PTPRZ1: variants seen among roughly 807,000 people sequenced by gnomAD.
PTPRZ1 encodes receptor-type tyrosine-protein phosphatase zeta.
Under a neutral mutation model 214.1 loss-of-function variants are expected in PTPRZ1, and 82 were observed. That is an observed-to-expected ratio of 0.38 (90% CI 0.32 to 0.46). The LOEUF (loss-of-function observed/expected upper bound fraction) is 0.46, where lower values mean the gene tolerates loss of function less well. PTPRZ1 is among the 20% of genes least tolerant of loss of function. The pLI is 1.00. For missense variants in PTPRZ1, 2,603 were observed against 2,748.7 expected (o/e 0.95, Z 1.19); for synonymous variants, 945 against 987.9 (o/e 0.96, Z 0.81).
At chr7:121,877,286 A>G (rs1159219616) in intron 1 of PTPRZ1, among the ~76,000 whole-genome samples, 4 of 152,290 alleles carry the variant, frequency 2.6e-5, no homozygotes, top group Non-Finnish European at 4.4e-5. Flanking sequence ...TTCCTTCCCA[A>G]TCCAGAGCCT....
At position 122,013,542 on chromosome 7, in the gene PTPRZ1, A is replaced by G; in HGVS notation, c.4496A>G (p.Asp1499Gly). The G allele has an allele frequency of 6.2e-7, 1 of 1,614,182 alleles. No homozygotes were observed. The highest frequency in any genetic ancestry group is 8.5e-7 in the Non-Finnish European group (1 of 1,180,016). ...SVSSDSQTGM[D>G]RSPGKSPSAN... ...TCCTCAGACAGTCAAACTGGTATGG[A>G]CAGAAGTCCTGGTAAATCACCATCA... The change falls in exon 12 of 30, where the codon GAC becomes GGC. Residue 1499 changes from aspartate (D) to glycine (G), a missense_variant. Transcript: ENST00000393386.
At chr7:121,961,450 A>G (rs980357645) in intron 2 of PTPRZ1, among the ~76,000 whole-genome samples, 1 of 152,192 alleles carries the variant, frequency 6.6e-6, no homozygotes, top group Admixed American at 6.5e-5. Flanking sequence ...CCATCCTTCA[A>G]GGCCTGCATT....
rs59298530 is a variant in PTPRZ1, at chr7:122,057,589, T to A, written c.6529-1211T>A. On this transcript the variant is annotated intron_variant, in intron 27 of 29. Coordinates refer to ENST00000393386, the MANE Select transcript of PTPRZ1 (RefSeq NM_002851.3). ...ATACTAATCCTTTGTCAGCTGCATA[T>A]ATTGCAAATACTTTCTCCCAGTTTG... 2.8e-3 allele frequency among the ~76,000 whole-genome samples: 426 copies of A among 151,646 alleles called. 11 individuals are homozygous for A. In the East Asian group the frequency reaches 0.045, roughly 16 times the overall value.
At chr7:121,968,368 T>A (rs1022991041) in intron 3 of PTPRZ1, among the ~76,000 whole-genome samples, 12 of 152,160 alleles carry the variant, frequency 7.9e-5, no homozygotes, top group African/African-American at 2.9e-4. Context: ...ACAATAATGA[T>A]GCTGCCTCTA....
intron 6 of PTPRZ1, among the ~76,000 whole-genome samples, chr7:121,979,581 G>A (rs1242294878): frequency 6.6e-6 from 1 of 152,122 alleles, no homozygotes; most frequent in Non-Finnish European, 1.5e-5. Flanking sequence ...TCTAGTGCTT[G>A]GCCCTATTGT....
chr7:121,892,933 C>T (rs1584609551), intron 1 of PTPRZ1, among the ~76,000 whole-genome samples: 1 of 151,570 alleles, frequency 6.6e-6, no homozygotes. Flanking sequence ...TATACACAAT[C>T]ATTGCAAATA....
intron 1 of PTPRZ1, among the ~76,000 whole-genome samples, chr7:121,899,404 C>T (rs1354402968): frequency 6.6e-6 from 1 of 152,104 alleles, no homozygotes; most frequent in Non-Finnish European, 1.5e-5. Flanking sequence ...TTATATGTAA[C>T]ATAAAATATA....
chr7:121,877,207 AT>A (rs1483757082), intron 1 of PTPRZ1, among the ~76,000 whole-genome samples: 2 of 152,146 alleles, frequency 1.3e-5, no homozygotes, highest in Non-Finnish European at 2.9e-5. Context: ...CCTTTTACAA[AT>A]GAGGGAACCC....
intron 13 of PTPRZ1, among the ~76,000 whole-genome samples, chr7:122,020,694 A>G (rs539008449): frequency 6.6e-6 from 1 of 152,320 alleles, no homozygotes; most frequent in East Asian, 1.9e-4. Flanking sequence ...AACAGAGTAG[A>G]CTGCACACTA....
chr7:122,061,110 C>G lies in PTPRZ1; in HGVS notation c.6838C>G (p.Leu2280Val). Residue 2280 changes from leucine (L) to valine (V), a missense_variant, in exon 30 of 30, where the codon CTC becomes GTC. Transcript: ENST00000393386. ...EQYQFLYKVI[L>V]SLVSTRQEEN... ...GTATCAGTTTCTCTACAAAGTGATCCTCAGCCTTGTGAGCACAAGGCAGGA... is the reference window on the plus strand; with the variant it reads ...GTATCAGTTTCTCTACAAAGTGATCGTCAGCCTTGTGAGCACAAGGCAGGA... The G allele has an allele frequency of 6.2e-7, 1 of 1,610,614 alleles. No homozygotes were observed. Among genetic ancestry groups the G allele is most frequent in the Non-Finnish European group, 8.5e-7 (1 of 1,177,728 alleles).
At chr7:121,994,209 T>C (rs988148385) in intron 8 of PTPRZ1, among the ~76,000 whole-genome samples, 2 of 152,022 alleles carry the variant, frequency 1.3e-5, no homozygotes, top group African/African-American at 2.4e-5. Flanking sequence ...AGTAGTCCTT[T>C]GGATGTTTTG....
At chr7:121,893,056 TAC>T (rs1794686893) in intron 1 of PTPRZ1, among the ~76,000 whole-genome samples, 1 of 152,158 alleles carries the variant, frequency 6.6e-6, no homozygotes, top group Admixed American at 6.6e-5. Flanking sequence ...TGCACATATA[TAC>T]ACACAGAGAG....
chr7:121,989,353 G>A (rs377366539), intron 8 of PTPRZ1, among the ~76,000 whole-genome samples: 2 of 149,854 alleles, frequency 1.3e-5, no homozygotes, highest in East Asian at 3.9e-4. Flanking sequence ...CCTGTGCATA[G>A]AAATACTGTG....
chr7:121,924,209 G>GA (rs537872365), intron 1 of PTPRZ1, among the ~76,000 whole-genome samples: 4 of 151,732 alleles, frequency 2.6e-5, no homozygotes, highest in South Asian at 2.1e-4. Context: ...CACAGAAACA[G>GA]AAAAAAAATT....
intron 1 of PTPRZ1, among the ~76,000 whole-genome samples, chr7:121,884,619 G>C (rs1276922248): frequency 6.6e-6 from 1 of 152,192 alleles, no homozygotes; most frequent in Non-Finnish European, 1.5e-5. Context: ...GGCCCAGTTA[G>C]AGCAGTGAAA....
chr7:121,953,311 A>G, intron 2 of PTPRZ1, among the ~76,000 whole-genome samples: 1 of 152,228 alleles, frequency 6.6e-6, no homozygotes, highest in South Asian at 2.1e-4. Context: ...TTTTCCTCAA[A>G]TGATATCTGT....
At chr7:121,909,226 A>G (rs1795201770) in intron 1 of PTPRZ1, among the ~76,000 whole-genome samples, 1 of 152,174 alleles carries the variant, frequency 6.6e-6, no homozygotes, top group Admixed American at 6.6e-5. Flanking sequence ...GCTGGAGTAT[A>G]TGCTCCAGTG....
At chr7:121,974,339 A>T (rs539489465) in intron 4 of PTPRZ1, among the ~76,000 whole-genome samples, 1 of 152,306 alleles carries the variant, frequency 6.6e-6, no homozygotes, top group South Asian at 2.1e-4. Context: ...ACCTATTTAG[A>T]ACAAAGATGA....
chr7:121,954,796 GT>G (rs1193064004), intron 2 of PTPRZ1, among the ~76,000 whole-genome samples: 1 of 152,206 alleles, frequency 6.6e-6, no homozygotes, highest in African/African-American at 2.4e-5. Flanking sequence ...GCAGCGTTAA[GT>G]TTTCATGGGA....
Sources: gnomAD v4.1 joint callset for allele counts (sites outside exome capture counted in the v4.1 genomes callset) on GRCh38, gnomAD v4.1.1 for gene constraint, MANE v1.5 for transcripts, NCBI Gene and HGNC (gene_info 2026-07-23, HGNC 2026-07-21) for gene names.